Variants in AMMECR1L observed in about 807,000 individuals in gnomAD.
The protein encoded by AMMECR1L is AMMECR1-like protein.
AMMECR1L carries 4 observed loss-of-function variants against 36.8 expected under a neutral mutation model. The observed-to-expected ratio is 0.11, with a 90% CI of 0.05 to 0.25. The LOEUF (loss-of-function observed/expected upper bound fraction) is 0.25. Among genes scored for constraint, AMMECR1L ranks in the 10% least tolerant of loss-of-function variants. The pLI is 1.00. For synonymous variants in AMMECR1L, 147 were observed against 148.0 expected, an observed-to-expected ratio of 0.99 and a Z score of 0.05; for missense variants, 232 against 392.1, an observed-to-expected ratio of 0.59 and a Z score of 3.45.
At position 127,862,865 on chromosome 2, in the gene AMMECR1L, G is replaced by A. The variant is rs545535360; in HGVS notation, c.*2229C>T. ...AATGGCAGGTATCGTACCCCCCCTC[G>A]ATAAAATAAAATAAAATAAAATAAA... On this transcript the variant is annotated 3_prime_UTR_variant, in exon 8 of 8. Coordinates refer to ENST00000272647, the MANE Select transcript of AMMECR1L (RefSeq NM_001199140.2). The A allele has an allele frequency of 1.5e-4, 22 of 149,742 alleles. No individual in the cohort carries two copies. Among genetic ancestry groups the A allele is most frequent in the South Asian group, 1.1e-3 (5 of 4,744 alleles). The allele number at this position is 149,742 out of a possible 1,614,324, so 9.3% of individuals were successfully genotyped here. A position where few individuals can be genotyped will look rare whatever the true frequency, so the allele number is the denominator to read the frequency against.
chr2:127,881,579 T>G (rs1691503807), intron 2 of AMMECR1L, among the ~76,000 whole-genome samples: 1 of 152,186 alleles, frequency 6.6e-6, no homozygotes, highest in African/African-American at 2.4e-5. Context: ...TCTGTGGACT[T>G]GGGCTCCTGC....
At chr2:127,870,715 C>A (rs532697063) in intron 5 of AMMECR1L, 99 bp downstream of exon 5, 164 of 931,364 alleles carry the variant, frequency 1.8e-4, no homozygotes, top group Admixed American at 6.4e-4. Flanking sequence ...CCTTCACATT[C>A]TTATACCCTT....
rs922492193 is a variant in AMMECR1L, at chr2:127,874,624, T to C, written c.-38-352A>G. On this transcript the variant is annotated intron_variant, in intron 2 of 7. Transcript: ENST00000272647. The surrounding 1 kb of genome is among the most constrained non-coding windows in gnomAD (Gnocchi z 5.2). ...GGCTGCGCACGACCTGTCAGACTCA[T>C]CATCATGATGTCTCTACCTTTTTTA... is the stretch of plus-strand genomic sequence containing the variant. Among the ~76,000 whole-genome samples, 1 of 152,204 alleles carries C rather than the reference T, an allele frequency of 6.6e-6. No homozygotes were observed. The highest frequency in any genetic ancestry group is 1.5e-5 in the Non-Finnish European group (1 of 68,036).
chr2:127,870,073 T>C (rs1472193576), intron 5 of AMMECR1L, among the ~76,000 whole-genome samples: 3 of 152,150 alleles, frequency 2.0e-5, no homozygotes, highest in Non-Finnish European at 4.4e-5. Flanking sequence ...TCCCAGCACT[T>C]TGGGAGTCCA....
chr2:127,880,925 T>C (rs933448592), intron 2 of AMMECR1L, among the ~76,000 whole-genome samples: 14 of 152,290 alleles, frequency 9.2e-5, no homozygotes, highest in African/African-American at 1.9e-4. Context: ...CAATCTCCAT[T>C]CTATTCAGCC....
At position 127,871,101 on chromosome 2, in the gene AMMECR1L, A is replaced by G. The variant is rs1690944789; in HGVS notation, c.518+148T>C. 1.0e-6 allele frequency: 1 copy of G among 968,038 alleles called. No homozygotes were observed. Among genetic ancestry groups the G allele is most frequent in the Non-Finnish European group, 1.5e-6 (1 of 652,844 alleles). 60.0% of individuals were successfully genotyped at this position (968,038 alleles called of 1,614,324 possible). A position where few individuals can be genotyped will look rare whatever the true frequency, so the allele number is the denominator to read the frequency against. On this transcript the variant is annotated intron_variant, in intron 4 of 7. Coordinates refer to ENST00000272647, the MANE Select transcript of AMMECR1L (RefSeq NM_001199140.2). The surrounding 1 kb of genome is among the most constrained non-coding windows in gnomAD (Gnocchi z 4.3). ...CTATTAACTGTCTGTACTTGAACTG[A>G]TAACTGACTCACCAGATTAAGCCCC... is the stretch of plus-strand genomic sequence containing the variant.
rs566919975 is a variant in AMMECR1L at position 127,885,214 on chromosome 2, C to T, written c.-149+596G>A. Reference sequence around the variant, plus strand: ...AAGAGAAGAGGAGGAGGAGAAAGTGCGCGTGTGAAGAGTGTTAAGAAAACG... The same window carrying T: ...AAGAGAAGAGGAGGAGGAGAAAGTGTGCGTGTGAAGAGTGTTAAGAAAACG... On this transcript the variant is annotated intron_variant, in intron 1 of 7. Coordinates refer to ENST00000272647, the MANE Select transcript of AMMECR1L (RefSeq NM_001199140.2). 1.9e-5 allele frequency: 19 copies of T among 984,870 alleles called. No homozygotes were observed. The South Asian group carries it at 4.2e-4, about 22-fold the overall frequency. The allele number at this position is 984,870 out of a possible 1,614,324, so 61.0% of individuals were successfully genotyped here.
At chr2:127,880,710 G>C (rs936958654) in intron 2 of AMMECR1L, among the ~76,000 whole-genome samples, 1 of 152,014 alleles carries the variant, frequency 6.6e-6, no homozygotes, top group African/African-American at 2.4e-5. Flanking sequence ...CCCTGAGCCT[G>C]AGAGGCCGCA....
chr2:127,872,589 G>A (rs1031062229), intron 3 of AMMECR1L, among the ~76,000 whole-genome samples: 5 of 152,166 alleles, frequency 3.3e-5, no homozygotes, highest in African/African-American at 1.2e-4. Context: ...GGTCCCCACA[G>A]CAGCTGTCCC....
chr2:127,873,148 G>C lies in AMMECR1L; in HGVS notation c.407+680C>G. ...CCCCCAAAACAAAAATAAAAAAACA[G>C]CAATGCTCTTCAAAGCCAGCTCAGA... is the stretch of plus-strand genomic sequence containing the variant. On this transcript the variant is annotated intron_variant, in intron 3 of 7. Transcript: ENST00000272647. The surrounding 1 kb of genome is among the most constrained non-coding windows in gnomAD (Gnocchi z 5.2). 1 of 985,382 alleles carries C rather than the reference G, an allele frequency of 1.0e-6. No individual in the cohort carries two copies. The highest frequency in any genetic ancestry group is 1.2e-6 in the Non-Finnish European group (1 of 829,922). 61.0% of individuals were successfully genotyped at this position (985,382 alleles called of 1,614,324 possible). A position where few individuals can be genotyped will look rare whatever the true frequency, so the allele number is the denominator to read the frequency against.
In AMMECR1L at chr2:127,873,909, C is replaced by G; in HGVS notation, c.326G>C (p.Cys109Ser). 1 of 1,614,164 alleles carries G rather than the reference C, an allele frequency of 6.2e-7. No individual in the cohort carries two copies. Among genetic ancestry groups the G allele is most frequent in the Non-Finnish European group, 8.5e-7 (1 of 1,180,044 alleles). ...GTAGAGTACGTCGAAGCAGTAGCAG[C>G]ACATCTCTGCAGTCACCACCAGATT... ...TKNLVVTAEM[C>S]CYCFDVLYCH... The change falls in exon 3 of 8, where the codon TGC becomes TCC. Residue 109 changes from cysteine (C) to serine (S), a missense_variant. Physicochemically the swap from Cys to Ser is moderately radical, Grantham distance 112. Transcript: ENST00000272647. This position sits in a 1 kb window ranked among gnomAD's most constrained non-coding sequence, Gnocchi z 5.2.
At chr2:127,866,860 A>C (rs1251176619) in intron 7 of AMMECR1L, 40 bp downstream of exon 7, 1 of 1,575,486 alleles carries the variant, frequency 6.3e-7, no homozygotes, top group South Asian at 1.1e-5. Flanking sequence ...TTCAACCCCA[A>C]CTAAATTGAA....
chr2:127,871,030 A>C lies in AMMECR1L; in HGVS notation c.519-102T>G, dbSNP rs1365580123. ...TTTATGAATCTTGAGCTATGCAGAGAGTATCTATTGTTCATCAACACTAAC... is the reference window on the plus strand; with the variant it reads ...TTTATGAATCTTGAGCTATGCAGAGCGTATCTATTGTTCATCAACACTAAC... On this transcript the variant is annotated intron_variant, in intron 4 of 7. Transcript: ENST00000272647. This position sits in a 1 kb window ranked among gnomAD's most constrained non-coding sequence, Gnocchi z 4.3. 1 of 985,710 alleles carries C rather than the reference A, an allele frequency of 1.0e-6. No homozygotes were observed. The highest frequency in any genetic ancestry group is 1.5e-6 in the Non-Finnish European group (1 of 665,102). 61.1% of individuals were successfully genotyped at this position (985,710 alleles called of 1,614,324 possible).
intron 1 of AMMECR1L, chr2:127,885,180 G>A: frequency 2.0e-6 from 2 of 985,148 alleles, no homozygotes; most frequent in Non-Finnish European, 2.4e-6. Flanking sequence ...CAAGAGTAGG[G>A]GTGCGAAAAA....
chr2:127,880,347 G>A (rs1261538955), intron 2 of AMMECR1L, among the ~76,000 whole-genome samples: 4 of 152,174 alleles, frequency 2.6e-5, no homozygotes, highest in African/African-American at 9.7e-5. Flanking sequence ...GTTTCCACCA[G>A]ATGGAAACAA....
chr2:127,863,142 T>C lies in AMMECR1L; in HGVS notation c.*1952A>G, dbSNP rs1029187818. 2 of 152,556 alleles carry C rather than the reference T, an allele frequency of 1.3e-5. No homozygotes were observed. Among genetic ancestry groups the C allele is most frequent in the Non-Finnish European group, 2.9e-5 (2 of 68,044 alleles). 9.5% of individuals were successfully genotyped at this position (152,556 alleles called of 1,614,324 possible). On this transcript the variant is annotated 3_prime_UTR_variant, in exon 8 of 8. Transcript: ENST00000272647. ...CTATGTATCAATACTGTTGTACAAA[T>C]TGGAGGTGGGTGGCTTAGTCCAGAG...
In AMMECR1L at chr2:127,862,645, G is replaced by C. The variant is rs569104831; in HGVS notation, c.*2449C>G. The C allele has an allele frequency of 6.5e-6, 1 of 152,758 alleles. No homozygotes were observed. Among genetic ancestry groups the C allele is most frequent in the Admixed American group, 6.5e-5 (1 of 15,282 alleles). 9.5% of individuals were successfully genotyped at this position (152,758 alleles called of 1,614,324 possible). A position where few individuals can be genotyped will look rare whatever the true frequency, so the allele number is the denominator to read the frequency against. On this transcript the variant is annotated 3_prime_UTR_variant, in exon 8 of 8. Coordinates refer to ENST00000272647, the MANE Select transcript of AMMECR1L (RefSeq NM_001199140.2). ...GTCGACTCCTGAGTCCCCTGACAAA[G>C]CAAGAGGAACCCAAGCATTTCCATT...
Position 127,869,548 on chromosome 2 carries a change from T to C in AMMECR1L, c.634-4A>G, listed in dbSNP as rs372556925. 1.6e-4 allele frequency: 256 copies of C among 1,609,788 alleles called. 1 individual carries two copies. In the African/African-American group the frequency reaches 2.9e-3, roughly 18 times the overall value. ...TTCGAATCCCATGGACCCCTACCTA[T>C]AGAAAAAAGTACAACCAAGTAAATG... On this transcript the variant is annotated splice_region_variant and splice_polypyrimidine_tract_variant and intron_variant, in intron 5 of 7. Coordinates refer to ENST00000272647, the MANE Select transcript of AMMECR1L (RefSeq NM_001199140.2). This position sits in a 1 kb window ranked among gnomAD's most constrained non-coding sequence, Gnocchi z 4.7.
chr2:127,885,670 C>T (rs1226142595), intron 1 of AMMECR1L, 140 bp downstream of exon 1: 7 of 983,578 alleles, frequency 7.1e-6, no homozygotes, highest in Non-Finnish European at 8.4e-6. Flanking sequence ...CCCGGACCCT[C>T]GCCCCAGGAC....
Sources: gnomAD v4.1 joint callset for allele counts (sites outside exome capture counted in the v4.1 genomes callset) on GRCh38, gnomAD v4.1.1 for gene constraint, Gnocchi (gnomAD v3.1) non-coding constraint, MANE v1.5 for transcripts, NCBI Gene and HGNC (gene_info 2026-07-23, HGNC 2026-07-21) for gene names.